Variants in MGAT5 observed in about 807,000 individuals in gnomAD.
MGAT5 encodes the protein alpha-1,6-mannosylglycoprotein 6-beta-N-acetylglucosaminyltransferase A.
MGAT5 carries 30 observed loss-of-function variants against 94.3 expected under a neutral mutation model. That is an observed-to-expected ratio of 0.32 (90% CI 0.24 to 0.43). MGAT5 has a LOEUF of 0.43. MGAT5 is among the 20% of genes least tolerant of loss of function. The probability of loss-of-function intolerance (pLI) is 1.00; values close to 1 mark genes in which losing one functional copy is unlikely to be tolerated. For synonymous variants in MGAT5, 310 were observed against 322.9 expected (o/e 0.96, Z 0.43); for missense variants, 691 against 905.5 (o/e 0.76, Z 3.04).
chr2:134,417,250 T>G (rs576533832), intron 12 of MGAT5, among the ~76,000 whole-genome samples: 2 of 152,276 alleles, frequency 1.3e-5, no homozygotes, highest in Non-Finnish European at 2.9e-5. Flanking sequence ...TCATCTAGCT[T>G]CTTCTTATGG....
intron 1 of MGAT5, among the ~76,000 whole-genome samples, chr2:134,128,312 A>C (rs1685951534): frequency 6.6e-6 from 1 of 152,198 alleles, no homozygotes; most frequent in Non-Finnish European, 1.5e-5. Flanking sequence ...AGAGAGCTGC[A>C]GGTTTGGAGT....
chr2:134,191,838 C>T (rs553027033), intron 1 of MGAT5, among the ~76,000 whole-genome samples: 24 of 148,500 alleles, frequency 1.6e-4, no homozygotes, highest in African/African-American at 5.2e-4. Flanking sequence ...GGTGGATTCG[C>T]GCCCTCCTCC....
At position 134,400,970 on chromosome 2, in the gene MGAT5, C is replaced by T. The variant is rs76314524; in HGVS notation, c.1381-2018C>T. 2.7e-3 allele frequency among the ~76,000 whole-genome samples: 408 copies of T among 152,208 alleles called. 3 individuals carry two copies. The highest frequency in any genetic ancestry group is 9.5e-3 in the African/African-American group (396 of 41,524). On this transcript the variant is annotated intron_variant, in intron 10 of 15. Coordinates refer to ENST00000281923, the MANE Select transcript of MGAT5 (RefSeq NM_002410.5). Reference sequence around the variant, plus strand: ...ACCTGGGGAATTTAGGATAGGGAACCACTGTGGGTGGGATAAGAACCAGAG... The same window carrying T: ...ACCTGGGGAATTTAGGATAGGGAACTACTGTGGGTGGGATAAGAACCAGAG...
intron 11 of MGAT5, among the ~76,000 whole-genome samples, chr2:134,406,805 G>A (rs181181246): frequency 6.6e-6 from 1 of 152,268 alleles, no homozygotes; most frequent in East Asian, 1.9e-4. Context: ...TGAAATGGGA[G>A]GGTCACTTGA....
chr2:134,258,766 A>G (rs2105544042), intron 1 of MGAT5, among the ~76,000 whole-genome samples: 1 of 152,346 alleles, frequency 6.6e-6, no homozygotes, highest in African/African-American at 2.4e-5. Flanking sequence ...TGTAGTGGTT[A>G]GGAGCATGGG....
At chr2:134,135,766 T>G (rs1052772390) in intron 1 of MGAT5, among the ~76,000 whole-genome samples, 1 of 147,908 alleles carries the variant, frequency 6.8e-6, no homozygotes, top group African/African-American at 2.5e-5. Context: ...ATTGGTCCCA[T>G]AGTGCTCCTC....
chr2:134,338,606 G>C (rs752741134), intron 6 of MGAT5, among the ~76,000 whole-genome samples, 186 bp downstream of exon 6: 4 of 152,112 alleles, frequency 2.6e-5, no homozygotes, highest in African/African-American at 4.8e-5. Flanking sequence ...CCACTTAGCA[G>C]GGTCTGGCAC....
At chr2:134,248,936 G>A (rs183580531) in intron 1 of MGAT5, among the ~76,000 whole-genome samples, 259 of 152,182 alleles carry the variant, frequency 1.7e-3, no homozygotes, top group Middle Eastern at 3.4e-3. Context: ...GTGTTCTCAG[G>A]TGGGTTGAGA....
intron 1 of MGAT5, among the ~76,000 whole-genome samples, chr2:134,203,010 A>G (rs1237986696): frequency 6.6e-6 from 1 of 152,238 alleles, no homozygotes; most frequent in Non-Finnish European, 1.5e-5. Flanking sequence ...TATAAATGCA[A>G]CATCTCCAAA....
intron 1 of MGAT5, among the ~76,000 whole-genome samples, chr2:134,193,919 A>G (rs1679369157): frequency 2.0e-5 from 3 of 152,250 alleles, no homozygotes; most frequent in Non-Finnish European, 4.4e-5. Context: ...AGAATGAGTA[A>G]AAATAAACTT....
intron 15 of MGAT5, among the ~76,000 whole-genome samples, chr2:134,447,422 C>T (rs529237499): frequency 6.6e-6 from 1 of 152,346 alleles, no homozygotes; most frequent in Non-Finnish European, 1.5e-5. Context: ...TTGACTCTGT[C>T]ACATGCTGTA....
At position 134,332,041 on chromosome 2, in the gene MGAT5, C is replaced by G. The variant is rs1354173400; in HGVS notation, c.574-4176C>G. ...GGTAATTTATAGATTCAATGCCATCCCCATCAAGCTACCAATGACTTTCTT... is the reference window on the plus strand; with the variant it reads ...GGTAATTTATAGATTCAATGCCATCGCCATCAAGCTACCAATGACTTTCTT... On this transcript the variant is annotated intron_variant, in intron 4 of 15. Transcript: ENST00000281923. Among the ~76,000 whole-genome samples the G allele has an allele frequency of 2.0e-5, 3 of 151,864 alleles. No homozygotes were observed. In the East Asian group the frequency reaches 5.8e-4, roughly 29 times the overall value.
At chr2:134,160,527 G>T (rs1159244689) in intron 1 of MGAT5, among the ~76,000 whole-genome samples, 1 of 152,216 alleles carries the variant, frequency 6.6e-6, no homozygotes. Flanking sequence ...GGATGTGAAG[G>T]CTGGGTGCAG....
At chr2:134,333,389 A>T (rs955925145) in intron 4 of MGAT5, among the ~76,000 whole-genome samples, 12 of 137,108 alleles carry the variant, frequency 8.8e-5, no homozygotes, top group South Asian at 2.4e-4. Context: ...AACAATGAGA[A>T]CACATGGACA....
intron 1 of MGAT5, among the ~76,000 whole-genome samples, chr2:134,255,548 C>T (rs927311033): frequency 2.0e-5 from 3 of 150,994 alleles, no homozygotes; most frequent in Admixed American, 1.3e-4. Context: ...CATACACATA[C>T]ACACACAAAT....
At chr2:134,179,560 G>A (rs1044009922) in intron 1 of MGAT5, among the ~76,000 whole-genome samples, 1 of 152,164 alleles carries the variant, frequency 6.6e-6, no homozygotes, top group Non-Finnish European at 1.5e-5. Flanking sequence ...CAAGTTGGCT[G>A]TCCTATTATC....
In MGAT5 at chr2:134,255,460, TATATATACATATATATAC is replaced by T. The variant is rs1359615310; in HGVS notation, c.241+836_241+853del. ...GATACTTTGCATACACACACAAATA[TATATATACATATATATAC>T]ATATATACATATATATACACATATA... On this transcript the variant is annotated intron_variant, in intron 1 of 15. Coordinates refer to ENST00000281923, the MANE Select transcript of MGAT5 (RefSeq NM_002410.5). 6.3e-4 allele frequency among the ~76,000 whole-genome samples: 94 copies of T among 148,408 alleles called. 1 individual carries two copies. Among genetic ancestry groups the T allele is most frequent in the African/African-American group, 1.6e-3 (67 of 40,860 alleles).
intron 9 of MGAT5, among the ~76,000 whole-genome samples, chr2:134,355,464 G>A (rs894491909): frequency 1.3e-5 from 2 of 152,108 alleles, no homozygotes; most frequent in Admixed American, 1.3e-4. Context: ...TTCTTGTTGA[G>A]ACTTAACTGA....
At chr2:134,330,715 C>T (rs1687920003) in intron 4 of MGAT5, among the ~76,000 whole-genome samples, 1 of 151,972 alleles carries the variant, frequency 6.6e-6, no homozygotes, top group African/African-American at 2.4e-5. Context: ...TGAAAAGCAC[C>T]CAGAACACCA....
Sources: gnomAD v4.1 joint callset for allele counts (sites outside exome capture counted in the v4.1 genomes callset) on GRCh38, gnomAD v4.1.1 for gene constraint, MANE v1.5 for transcripts, NCBI Gene and HGNC (gene_info 2026-07-23, HGNC 2026-07-21) for gene names.